Variants in MIA2 observed in about 807,000 individuals in gnomAD.
MIA2 encodes MIA SH3 domain ER export factor 2.
Under a neutral mutation model 167.8 loss-of-function variants are expected in MIA2, and 127 were observed. The observed-to-expected ratio is 0.76, with a 90% CI of 0.66 to 0.88. MIA2 has a LOEUF of 0.88. MIA2 is among the 40% of genes least tolerant of loss of function. MIA2 has a pLI of 0.00. For missense variants in MIA2, 1,690 were observed against 1,624.7 expected (o/e 1.04, Z -0.69); for synonymous variants, 552 against 541.9 (o/e 1.02, Z -0.26).
At chr14:39,297,052 C>T (rs2061525572) in intron 13 of MIA2, among the ~76,000 whole-genome samples, 1 of 151,182 alleles carries the variant, frequency 6.6e-6, no homozygotes, top group Non-Finnish European at 1.5e-5. Flanking sequence ...GCTGAGATTA[C>T]AAGCGCGAGC....
At chr14:39,251,285 A>G (rs549469879) in intron 4 of MIA2, among the ~76,000 whole-genome samples, 12 of 151,088 alleles carry the variant, frequency 7.9e-5, no homozygotes, top group Non-Finnish European at 1.5e-4. Flanking sequence ...GATTTTACAA[A>G]AGGATTCCAA....
At chr14:39,308,270 C>T (rs1238731043) in intron 17 of MIA2, among the ~76,000 whole-genome samples, 179 bp from the exon 18 acceptor site, 1 of 152,066 alleles carries the variant, frequency 6.6e-6, no homozygotes, top group African/African-American at 2.4e-5. Flanking sequence ...TTTTATGTGT[C>T]AATCAACTAA....
chr14:39,288,608 A>G (rs944386230), intron 9 of MIA2, among the ~76,000 whole-genome samples: 1 of 150,070 alleles, frequency 6.7e-6, no homozygotes, highest in Non-Finnish European at 1.5e-5. Flanking sequence ...CTGAGTATCT[A>G]GGACTACAGG....
At chr14:39,301,627 T>G (rs1050358970) in intron 14 of MIA2, among the ~76,000 whole-genome samples, 3 of 152,228 alleles carry the variant, frequency 2.0e-5, no homozygotes, top group African/African-American at 7.2e-5. Flanking sequence ...ATTTCTTTAA[T>G]CAACAAAATT....
chr14:39,377,766 T>A (rs2075072296), intron 23 of MIA2, among the ~76,000 whole-genome samples: 1 of 152,072 alleles, frequency 6.6e-6, no homozygotes. Flanking sequence ...TCTCCCTTTT[T>A]TTTTTTAAAT....
At chr14:39,261,365 A>C (rs2055103995) in intron 6 of MIA2, among the ~76,000 whole-genome samples, 2 of 152,174 alleles carry the variant, frequency 1.3e-5, no homozygotes, top group Admixed American at 6.5e-5. Context: ...TATATGTGCC[A>C]CATTTTCTTA....
At chr14:39,350,047 A>C (rs1287804166) in intron 28 of MIA2, 51 bp from the exon 29 acceptor site, 4 of 683,802 alleles carry the variant, frequency 5.8e-6, no homozygotes, top group Non-Finnish European at 1.0e-5. Context: ...ATTAGGGCAC[A>C]GTACAGGTTC....
At position 39,252,752 on chromosome 14, in the gene MIA2, G is replaced by T; in HGVS notation, c.1572G>T (p.Met524Ile). ...IFKSSYSLSD[M>I]VSNIELPTRI... is the part of the protein sequence containing the mutation. ...TTTCTTTTTATTTATTTGTAGATAT[G>T]GTCTCTAACATAGAGTTACCTACGA... The change falls in exon 5 of 29, where the codon ATG (methionine) becomes ATT (isoleucine). Residue 524 changes from methionine to isoleucine, a missense_variant. Met to Ile is a conservative substitution (Grantham distance 10, BLOSUM62 1). Coordinates refer to ENST00000640607, the MANE Select transcript of MIA2 (RefSeq NM_001329214.4). 6.3e-7 allele frequency: 1 copy of T among 1,599,666 alleles called. No homozygotes were observed. Among genetic ancestry groups the T allele is most frequent in the South Asian group, 1.1e-5 (1 of 89,460 alleles).
chr14:39,320,808 A>G (rs1344351353), intron 23 of MIA2, 120 bp from the exon 24 acceptor site: 6 of 1,028,846 alleles, frequency 5.8e-6, no homozygotes, highest in East Asian at 2.4e-5. Context: ...CATTCAGGAC[A>G]TAGATTAAAC....
rs55732496 is a variant in MIA2, at chr14:39,314,610, G to GTTTTT, written c.3120-114_3120-110dup. 226 of 189,990 alleles carry GTTTTT rather than the reference G, an allele frequency of 1.2e-3. 9 individuals are homozygous for GTTTTT. The highest frequency in any genetic ancestry group is 1.9e-3 in the Middle Eastern group (1 of 532). 11.8% of individuals were successfully genotyped at this position (189,990 alleles called of 1,614,324 possible). A position where few individuals can be genotyped will look rare whatever the true frequency, so the allele number is the denominator to read the frequency against. On this transcript the variant is annotated intron_variant, in intron 19 of 28. Coordinates refer to ENST00000640607, the MANE Select transcript of MIA2 (RefSeq NM_001329214.4). ...TTATTTCTTAATGTGGAGTTCTGGA[G>GTTTTT]TTTTTTTTTTTTTTTTTTTCATGAA... is the stretch of plus-strand genomic sequence containing the variant.
chr14:39,260,066 C>G (rs1594727934), intron 6 of MIA2, among the ~76,000 whole-genome samples: 1 of 152,076 alleles, frequency 6.6e-6, no homozygotes, highest in South Asian at 2.1e-4. Context: ...GCATAGTATT[C>G]CATAGTGTAT....
At position 39,246,874 on chromosome 14, in the gene MIA2, C is replaced by T. The variant is rs1279012771; in HGVS notation, c.337-37C>T. On this transcript the variant is annotated intron_variant, in intron 3 of 28. Coordinates refer to ENST00000640607, the MANE Select transcript of MIA2 (RefSeq NM_001329214.4). ...CAGGGAGAAACAAGGAGCTCTAGTA[C>T]ATTCATGTTAATCATATATATATTT... 3 of 1,175,506 alleles carry T rather than the reference C, an allele frequency of 2.6e-6. No homozygotes were observed. The Admixed American group carries it at 7.8e-5, about 31-fold the overall frequency. 72.8% of individuals were successfully genotyped at this position (1,175,506 alleles called of 1,614,324 possible).
intron 23 of MIA2, among the ~76,000 whole-genome samples, chr14:39,368,566 C>T (rs1296183440): frequency 6.6e-6 from 1 of 151,804 alleles, no homozygotes; most frequent in Non-Finnish European, 1.5e-5. Flanking sequence ...TGTTAAGGCA[C>T]TTACTCTGAA....
chr14:39,386,291 C>A, intron 23 of MIA2: 1 of 1,470,046 alleles, frequency 6.8e-7, no homozygotes, highest in Non-Finnish European at 9.5e-7. Flanking sequence ...TGAGGAATTT[C>A]TGGCCTCCAA....
Position 39,247,307 on chromosome 14 carries a change from C to A in MIA2, c.733C>A (p.Pro245Thr), listed in dbSNP as rs1386828379. 5.6e-6 allele frequency: 9 copies of A among 1,613,838 alleles called. No homozygotes were observed. Among genetic ancestry groups the A allele is most frequent in the Non-Finnish European group, 7.6e-6 (9 of 1,179,924 alleles). Residue 245 changes from proline (P) to threonine (T), a missense_variant, in exon 4 of 29, where the codon CCT (proline) becomes ACT (threonine). Transcript: ENST00000640607. Reference protein sequence around the residue: ...EEKAFESVIEPVQESSFRSRK... With the variant: ...EEKAFESVIETVQESSFRSRK... ...GAAGGCTTTTGAATCAGTTATTGAA[C>A]CTGTACAAGAAAGCTCATTTCGGAG...
rs182681366 is a variant in MIA2, at chr14:39,344,648, T to C, written c.3656-1256T>C. ...TGGCAGAGTCAGATGAGGAGTGATA[T>C]ATCCAACACTGATTCTATAAAGTCA... On this transcript the variant is annotated intron_variant, in intron 25 of 28. Coordinates refer to ENST00000640607, the MANE Select transcript of MIA2 (RefSeq NM_001329214.4). 1.9e-4 allele frequency among the ~76,000 whole-genome samples: 29 copies of C among 152,326 alleles called. No individual in the cohort carries two copies. The East Asian group carries it at 5.0e-3, about 26-fold the overall frequency.
chr14:39,372,596 T>C (rs942357299), intron 23 of MIA2, among the ~76,000 whole-genome samples: 6 of 152,218 alleles, frequency 3.9e-5, no homozygotes, highest in African/African-American at 1.4e-4. Context: ...AGGGTATGTT[T>C]AGTTGAGAAG....
At chr14:39,296,304 A>T (rs1357430899) in intron 13 of MIA2, among the ~76,000 whole-genome samples, 1 of 151,984 alleles carries the variant, frequency 6.6e-6, no homozygotes, top group African/African-American at 2.4e-5. Context: ...ATTTTGGTTG[A>T]ATATATTCTG....
At chr14:39,294,349 C>T (rs2061125761) in intron 12 of MIA2, among the ~76,000 whole-genome samples, 1 of 152,106 alleles carries the variant, frequency 6.6e-6, no homozygotes, top group South Asian at 2.1e-4. Flanking sequence ...AGGCATGTGC[C>T]ACCACACCCG....
Sources: allele counts gnomAD v4.1 joint callset (sites outside exome capture counted in the v4.1 genomes callset), GRCh38; gene constraint gnomAD v4.1.1; transcripts MANE v1.5; gene names NCBI Gene and HGNC (gene_info 2026-07-23, HGNC 2026-07-21).